The following CHAT variants were observed in gnomAD, a reference collection of about 807,000 sequenced individuals.
CHAT encodes acetyl CoA:choline O-acetyltransferase.
CHAT carries 61 observed loss-of-function variants against 76.9 expected under a neutral mutation model. The ratio of observed to expected loss-of-function variants is 0.79; its 90% confidence interval spans 0.65 to 0.98. The LOEUF (loss-of-function observed/expected upper bound fraction) is 0.98. Ranked by LOEUF, CHAT falls within the 50% of genes least tolerant of loss-of-function variation. The pLI is 0.00. For synonymous variants in CHAT, 407 were observed against 397.4 expected, an observed-to-expected ratio of 1.02 and a Z score of -0.29; for missense variants, 946 against 986.9, an observed-to-expected ratio of 0.96 and a Z score of 0.56.
At chr10:49,644,300 A>ACGCAG (rs1401618319) in intron 7 of CHAT, among the ~76,000 whole-genome samples, 1 of 152,156 alleles carries the variant, frequency 6.6e-6, no homozygotes, top group Non-Finnish European at 1.5e-5. Context: ...TAGGGTGGGA[A>ACGCAG]GGAGGTGGCC....
chr10:49,659,175 A>G (rs1840117115), intron 13 of CHAT, among the ~76,000 whole-genome samples: 1 of 152,226 alleles, frequency 6.6e-6, no homozygotes, highest in African/African-American at 2.4e-5. Flanking sequence ...GGAAGATAAA[A>G]AGAGTAGTGT....
chr10:49,652,066 T>C, intron 11 of CHAT, 60 bp downstream of exon 11: 1 of 1,611,356 alleles, frequency 6.2e-7, no homozygotes, highest in Non-Finnish European at 8.5e-7. Context: ...TGCTGTAGGA[T>C]CTAGGGTCTA....
chr10:49,640,873 C>A (rs551632949), intron 7 of CHAT, among the ~76,000 whole-genome samples: 5 of 152,276 alleles, frequency 3.3e-5, no homozygotes, highest in South Asian at 4.1e-4. Context: ...TTTAACTATA[C>A]CCACTTGTGT....
upstream of CHAT, chr10:49,611,925 C>G (rs1215490692): frequency 1.2e-5 from 19 of 1,612,572 alleles, no homozygotes; most frequent in Non-Finnish European, 1.4e-5. Context: ...TTGGCATAGC[C>G]CTAGTCGACA....
At chr10:49,624,956 A>C (rs1172637740) in intron 5 of CHAT, among the ~76,000 whole-genome samples, 2 of 151,860 alleles carry the variant, frequency 1.3e-5, no homozygotes, top group Non-Finnish European at 2.9e-5. Flanking sequence ...AGATGTATGG[A>C]TATATGGATG....
chr10:49,664,268 T>A (rs1159402740), intron 14 of CHAT, among the ~76,000 whole-genome samples: 1 of 152,156 alleles, frequency 6.6e-6, no homozygotes, highest in Non-Finnish European at 1.5e-5. Context: ...CACCCAACTC[T>A]GGGTAATTGT....
upstream of CHAT, chr10:49,612,319 T>C (rs2132689482): frequency 6.3e-7 from 1 of 1,598,338 alleles, no homozygotes; most frequent in East Asian, 2.2e-5. Context: ...CGACTACAAC[T>C]ACTACTACAC....
At chr10:49,640,191 A>G (rs1457790001) in intron 7 of CHAT, among the ~76,000 whole-genome samples, 3 of 151,808 alleles carry the variant, frequency 2.0e-5, no homozygotes, top group Non-Finnish European at 2.9e-5. Context: ...TATTTATTTG[A>G]GACGGAGTCT....
chr10:49,639,202 C>T (rs998671503), intron 7 of CHAT, among the ~76,000 whole-genome samples: 34 of 152,164 alleles, frequency 2.2e-4, no homozygotes, highest in African/African-American at 7.7e-4. Context: ...CCACTGCACT[C>T]TCCAGCTTGG....
intron 13 of CHAT, among the ~76,000 whole-genome samples, chr10:49,656,880 TA>T (rs1840051474): frequency 6.6e-6 from 1 of 151,996 alleles, no homozygotes; most frequent in South Asian, 2.1e-4. Context: ...GGGGAAGTCG[TA>T]AACTCCTCCT....
intron 7 of CHAT, among the ~76,000 whole-genome samples, chr10:49,645,334 C>A (rs1237940497): frequency 6.6e-6 from 1 of 152,224 alleles, no homozygotes; most frequent in Non-Finnish European, 1.5e-5. Context: ...CAAGGTCAGG[C>A]TCTCCTGGTG....
chr10:49,611,852 C>A, upstream of CHAT: 1 of 1,605,472 alleles, frequency 6.2e-7, no homozygotes. Flanking sequence ...GGCGCCAGCT[C>A]GTGCATCGTG....
chr10:49,612,218 T>C (rs1838319221), upstream of CHAT: 1 of 1,609,266 alleles, frequency 6.2e-7, no homozygotes, highest in East Asian at 2.2e-5. Context: ...CCGCAAGGTC[T>C]GTACGATGCG....
intron 3 of CHAT, among the ~76,000 whole-genome samples, chr10:49,620,193 G>T (rs1396503722): frequency 6.6e-6 from 1 of 152,026 alleles, no homozygotes; most frequent in Non-Finnish European, 1.5e-5. Flanking sequence ...GACAGAGATC[G>T]CATTAGGAAA....
rs1333247805 is a variant in CHAT at position 49,625,562 on chromosome 10, G to A, written c.842G>A (p.Arg281Gln). Residue 281 changes from arginine (R) to glutamine (Q), a missense_variant, in exon 6 of 15, where the codon CGG (arginine) becomes CAG (glutamine). Physicochemically the swap from Arg to Gln is conservative, Grantham distance 43. Coordinates refer to ENST00000337653, the MANE Select transcript of CHAT (RefSeq NM_020549.5). The part of the protein sequence containing the change: ...KQYYGLFSSY[R>Q]LPGHTQDTLV... ...TACTATGGGCTCTTCTCCTCCTACC[G>A]GCTCCCCGGCCATACCCAGGACACG... 1.1e-5 allele frequency: 18 copies of A among 1,612,858 alleles called. No homozygotes were observed. The highest frequency in any genetic ancestry group is 6.6e-5 in the South Asian group (6 of 90,604).
intron 7 of CHAT, among the ~76,000 whole-genome samples, chr10:49,640,708 G>C (rs115233867): frequency 1.3e-5 from 2 of 151,992 alleles, no homozygotes; most frequent in South Asian, 2.1e-4. Flanking sequence ...TGCTGGCAAG[G>C]GTGCTGGGGG....
rs116097791 is a variant in CHAT at position 49,662,687 on chromosome 10, C to A, written c.1882C>A (p.Arg628=). 8.9e-5 allele frequency: 143 copies of A among 1,614,200 alleles called. 1 individual carries two copies. In the East Asian group the frequency reaches 3.1e-3, roughly 34 times the overall value. Residue 628 remains arginine, a synonymous_variant, in exon 14 of 15, where the codon CGG becomes AGG. Transcript: ENST00000337653. The part of the protein sequence containing the change: ...MAIDNHLLAL[R]ELARAMCKEL... ...CATTGACAACCACCTGCTGGCACTG[C>A]GGGAGCTGGCCCGGGCCATGTGCAA...
chr10:49,621,099 C>T (rs559018899), intron 4 of CHAT, among the ~76,000 whole-genome samples: 1 of 152,348 alleles, frequency 6.6e-6, no homozygotes, highest in South Asian at 2.1e-4. Context: ...GCTCACTGAG[C>T]CGTTGGAAGG....
chr10:49,610,659 C>A, upstream of CHAT: 1 of 1,367,832 alleles, frequency 7.3e-7, no homozygotes, highest in South Asian at 1.6e-5. Flanking sequence ...TCCCCGAAGT[C>A]CCGTGCCCTC....
Sources: gnomAD v4.1 joint callset for allele counts (sites outside exome capture counted in the v4.1 genomes callset) on GRCh38, gnomAD v4.1.1 for gene constraint, MANE v1.5 for transcripts, NCBI Gene and HGNC (gene_info 2026-07-23, HGNC 2026-07-21) for gene names.